Variants in VWA8 observed in about 807,000 individuals in gnomAD.
VWA8 encodes von Willebrand factor A domain-containing protein 8.
Under a neutral mutation model 241.5 loss-of-function variants are expected in VWA8, and 221 were observed. The ratio of observed to expected loss-of-function variants is 0.91; its 90% CI spans 0.82 to 1.02. The LOEUF is 1.02. Ranked by LOEUF, VWA8 falls within the 50% of genes least tolerant of loss-of-function variation. The pLI, the probability that VWA8 is intolerant of heterozygous loss-of-function variation, is 0.00. For synonymous variants in VWA8, 852 were observed against 827.1 expected (o/e 1.03, Z -0.52); for missense variants, 2,322 against 2,328.7 (o/e 1.00, Z 0.06).
At chr13:41,940,511 CA>C (rs1877550220) in intron 2 of VWA8, among the ~76,000 whole-genome samples, 1 of 151,526 alleles carries the variant, frequency 6.6e-6, no homozygotes, top group Non-Finnish European at 1.5e-5. Context: ...ACAGTGAAGC[CA>C]AAGAACTATA....
intron 37 of VWA8, among the ~76,000 whole-genome samples, chr13:41,657,655 A>G (rs1330610806): frequency 6.6e-6 from 1 of 151,626 alleles, no homozygotes; most frequent in Non-Finnish European, 1.5e-5. Flanking sequence ...GCGCCCGGCT[A>G]ATTTTTTGTA....
intron 34 of VWA8, among the ~76,000 whole-genome samples, chr13:41,689,110 G>A (rs556065367): frequency 1.3e-5 from 2 of 152,014 alleles, no homozygotes; most frequent in Admixed American, 1.3e-4. Context: ...CCCACATATG[G>A]AGAATACTCA....
At chr13:41,922,676 A>G (rs1876610752) in intron 2 of VWA8, among the ~76,000 whole-genome samples, 1 of 152,272 alleles carries the variant, frequency 6.6e-6, no homozygotes, top group Non-Finnish European at 1.5e-5. Flanking sequence ...CAAAAGACAC[A>G]TGAAAAAATG....
At chr13:41,695,884 G>A (rs2045212936) in intron 29 of VWA8, among the ~76,000 whole-genome samples, 1 of 152,098 alleles carries the variant, frequency 6.6e-6, no homozygotes, top group Non-Finnish European at 1.5e-5. Flanking sequence ...GATCTTTTGA[G>A]GAAATAAAAC....
Position 41,829,437 on chromosome 13 carries a change from C to G in VWA8, c.1700+1092G>C, listed in dbSNP as rs537932992. 3.3e-5 allele frequency among the ~76,000 whole-genome samples: 5 copies of G among 152,106 alleles called. No individual in the cohort carries two copies. In the South Asian group the frequency reaches 1.0e-3, roughly 32 times the overall value. On this transcript the variant is annotated intron_variant, in intron 14 of 44. Coordinates refer to ENST00000379310, the MANE Select transcript of VWA8 (RefSeq NM_015058.2). ...TGTCATTATATGAAAAAGATACATGCACATTCATGTTTATAGCAACAGAAT... is the reference window on the plus strand; with the variant it reads ...TGTCATTATATGAAAAAGATACATGGACATTCATGTTTATAGCAACAGAAT...
At chr13:41,724,557 C>T (rs948888659) in intron 24 of VWA8, among the ~76,000 whole-genome samples, 4 of 152,120 alleles carry the variant, frequency 2.6e-5, no homozygotes, top group African/African-American at 9.7e-5. Flanking sequence ...AGTTTACCTG[C>T]AACAAGTGGG....
chr13:41,828,173 G>A (rs1871261168), intron 14 of VWA8, among the ~76,000 whole-genome samples: 1 of 152,144 alleles, frequency 6.6e-6, no homozygotes, highest in Non-Finnish European at 1.5e-5. Context: ...ACTTTTTAGT[G>A]ACTTGTAAAG....
intron 2 of VWA8, among the ~76,000 whole-genome samples, chr13:41,922,688 T>A (rs1876611663): frequency 6.6e-6 from 1 of 152,194 alleles, no homozygotes; most frequent in Non-Finnish European, 1.5e-5. Context: ...GAAAAAATGC[T>A]CATCATCACT....
At chr13:41,780,572 T>G (rs1425917066) in intron 19 of VWA8, among the ~76,000 whole-genome samples, 2 of 152,180 alleles carry the variant, frequency 1.3e-5, no homozygotes, top group African/African-American at 4.8e-5. Flanking sequence ...CATCTACCCT[T>G]TCTTTTCCAT....
At chr13:41,715,245 T>C (rs138945857) in intron 26 of VWA8, among the ~76,000 whole-genome samples, 3 of 152,060 alleles carry the variant, frequency 2.0e-5, no homozygotes, top group Non-Finnish European at 4.4e-5. Context: ...TGTACTACCA[T>C]CATTATTACC....
intron 35 of VWA8, among the ~76,000 whole-genome samples, chr13:41,680,506 C>T (rs1352721449): frequency 2.0e-5 from 3 of 152,012 alleles, no homozygotes; most frequent in Non-Finnish European, 4.4e-5. Context: ...TTTAGTAACA[C>T]TACTTAAACA....
At chr13:41,685,350 C>T in intron 34 of VWA8, 108 bp from the exon 35 acceptor site, 2 of 1,077,738 alleles carry the variant, frequency 1.9e-6, no homozygotes, top group South Asian at 1.7e-5. Flanking sequence ...TAATGTTTCA[C>T]AGGTATAAGA....
intron 21 of VWA8, among the ~76,000 whole-genome samples, chr13:41,748,982 TG>T (rs1211802630): frequency 6.6e-6 from 1 of 152,108 alleles, no homozygotes; most frequent in African/African-American, 2.4e-5. Flanking sequence ...CAAAAGCAAC[TG>T]CAACAAAAGC....
At chr13:41,882,321 T>G (rs1166058341) in intron 9 of VWA8, among the ~76,000 whole-genome samples, 1 of 129,748 alleles carries the variant, frequency 7.7e-6, no homozygotes, top group Non-Finnish European at 1.6e-5. Flanking sequence ...CTTTCCAGAC[T>G]GGGCAGCCAG....
chr13:41,740,557 T>C (rs948075396), intron 21 of VWA8, among the ~76,000 whole-genome samples: 5 of 152,192 alleles, frequency 3.3e-5, no homozygotes, highest in Non-Finnish European at 5.9e-5. Context: ...CCTCATTATA[T>C]CTTGGTATAA....
chr13:41,738,741 T>A (rs4322561), intron 21 of VWA8, among the ~76,000 whole-genome samples: 53,572 of 151,594 alleles, frequency 0.35, 9,526 homozygotes, highest in Admixed American at 0.37. Context: ...TTTTCCTGAA[T>A]AAAAAGAAAG....
rs116978078 is a variant in VWA8, at chr13:41,879,817, T to A, written c.1080+3570A>T. Among the ~76,000 whole-genome samples, 359 of 152,276 alleles carry A rather than the reference T, an allele frequency of 2.4e-3. 1 individual carries two copies. The highest frequency in any genetic ancestry group is 4.3e-3 in the Non-Finnish European group (290 of 68,018). Reference sequence around the variant, plus strand: ...AGGGAGAGAGAAATACCATTCCATATGCTTAACGTTGTCAAATCCTGGCCT... The same window carrying A: ...AGGGAGAGAGAAATACCATTCCATAAGCTTAACGTTGTCAAATCCTGGCCT... On this transcript the variant is annotated intron_variant, in intron 9 of 44. Coordinates refer to ENST00000379310, the MANE Select transcript of VWA8 (RefSeq NM_015058.2).
intron 34 of VWA8, 143 bp downstream of exon 34, chr13:41,689,211 C>G (rs2045158277): frequency 8.9e-6 from 8 of 897,100 alleles, no homozygotes; most frequent in Non-Finnish European, 1.3e-5. Flanking sequence ...ATATTTTCTA[C>G]TGACTGATTT....
At chr13:41,619,898 C>T (rs919538062) in intron 37 of VWA8, among the ~76,000 whole-genome samples, 2 of 151,948 alleles carry the variant, frequency 1.3e-5, no homozygotes, top group Admixed American at 6.6e-5. Flanking sequence ...ATTTTTGCAT[C>T]GATGTTCATC....
Sources: allele counts gnomAD v4.1 joint callset (sites outside exome capture counted in the v4.1 genomes callset), GRCh38; gene constraint gnomAD v4.1.1; transcripts MANE v1.5; gene names NCBI Gene and HGNC (gene_info 2026-07-23, HGNC 2026-07-21).